The following CDYL2 variants were observed in gnomAD, a reference collection of about 807,000 sequenced individuals.
The protein encoded by CDYL2 is chromodomain Y like 2, also known as chromodomain Y-like protein 2.
A neutral mutation model predicts 49.4 loss-of-function variants in CDYL2; 23 were observed. That is an observed-to-expected ratio of 0.47 (90% CI 0.34 to 0.66). The LOEUF is 0.66. Ranked by LOEUF, CDYL2 falls within the 30% of genes least tolerant of loss-of-function variation. The pLI, the probability that CDYL2 is intolerant of heterozygous loss-of-function variation, is 0.01. For missense variants in CDYL2, 678 were observed against 656.4 expected (o/e 1.03, Z -0.36); for synonymous variants, 360 against 268.8 (o/e 1.34, Z -3.32).
chr16:80,734,359 G>C (rs75496795), intron 1 of CDYL2, among the ~76,000 whole-genome samples: 1 of 152,192 alleles, frequency 6.6e-6, no homozygotes, highest in Non-Finnish European at 1.5e-5. Flanking sequence ...AAGTTTTTGA[G>C]GAACACTTTC....
At chr16:80,673,013 C>A (rs1186236729) in intron 2 of CDYL2, among the ~76,000 whole-genome samples, 1 of 152,114 alleles carries the variant, frequency 6.6e-6, no homozygotes. Flanking sequence ...CTGCTTGCTC[C>A]CATCTCTAAA....
At chr16:80,736,673 G>A (rs1041162471) in intron 1 of CDYL2, among the ~76,000 whole-genome samples, 1 of 152,192 alleles carries the variant, frequency 6.6e-6, no homozygotes, top group African/African-American at 2.4e-5. Context: ...CACTTTAGGA[G>A]GCCAAAGTGG....
chr16:80,688,557 A>C (rs1181075556), intron 1 of CDYL2, among the ~76,000 whole-genome samples: 2 of 152,202 alleles, frequency 1.3e-5, no homozygotes, highest in Non-Finnish European at 2.9e-5. Context: ...AAAGCAAACA[A>C]ACACAAGGTT....
At chr16:80,643,869 C>T (rs1175732953) in intron 2 of CDYL2, among the ~76,000 whole-genome samples, 1 of 152,230 alleles carries the variant, frequency 6.6e-6, no homozygotes, top group Non-Finnish European at 1.5e-5. Context: ...GCTGTGAAGA[C>T]CTCTGGCAAA....
At chr16:80,706,221 G>C (rs991691620) in intron 1 of CDYL2, among the ~76,000 whole-genome samples, 2 of 152,224 alleles carry the variant, frequency 1.3e-5, no homozygotes, top group African/African-American at 2.4e-5. Flanking sequence ...ACATCCATTA[G>C]TTGTCCCTTG....
At chr16:80,639,858 T>C (rs961724574) in intron 2 of CDYL2, 10 of 378,240 alleles carry the variant, frequency 2.6e-5, no homozygotes, top group Admixed American at 1.3e-4. Context: ...TGTCCTGTTA[T>C]AGCAGAAAGC....
intron 2 of CDYL2, among the ~76,000 whole-genome samples, chr16:80,656,719 G>C (rs553442543): frequency 6.6e-6 from 1 of 152,290 alleles, no homozygotes; most frequent in African/African-American, 2.4e-5. Context: ...TACAAAAGGA[G>C]AGAGTCAATA....
At chr16:80,634,259 G>C (rs1048543589) in intron 2 of CDYL2, among the ~76,000 whole-genome samples, 3 of 152,184 alleles carry the variant, frequency 2.0e-5, no homozygotes, top group African/African-American at 7.2e-5. Flanking sequence ...ATGTCCATCA[G>C]TGATAGACTG....
chr16:80,651,019 A>G (rs1597149186), intron 2 of CDYL2, among the ~76,000 whole-genome samples: 1 of 152,218 alleles, frequency 6.6e-6, no homozygotes, highest in Admixed American at 6.5e-5. Context: ...AAAAAAATAG[A>G]AACAATGAAT....
chr16:80,779,058 G>C (rs1265189073), intron 1 of CDYL2, among the ~76,000 whole-genome samples: 3 of 151,904 alleles, frequency 2.0e-5, no homozygotes, highest in African/African-American at 4.8e-5. Flanking sequence ...TTTGTCATGA[G>C]GATAGCCTTC....
intron 1 of CDYL2, among the ~76,000 whole-genome samples, chr16:80,725,778 G>A (rs1280150577): frequency 6.6e-6 from 1 of 152,232 alleles, no homozygotes; most frequent in Non-Finnish European, 1.5e-5. Flanking sequence ...TTAGCAACAA[G>A]CACGCTGCCC....
At chr16:80,774,279 A>T (rs1011181989) in intron 1 of CDYL2, among the ~76,000 whole-genome samples, 2 of 152,162 alleles carry the variant, frequency 1.3e-5, no homozygotes, top group Non-Finnish European at 2.9e-5. Context: ...GGAGAACATT[A>T]TGCTAATAAG....
intron 1 of CDYL2, among the ~76,000 whole-genome samples, chr16:80,696,867 T>C (rs553375659): frequency 3.3e-5 from 5 of 152,252 alleles, no homozygotes; most frequent in African/African-American, 9.6e-5. Context: ...CATGGTGTCA[T>C]GCACTTAGAG....
At chr16:80,724,634 G>T (rs911799697) in intron 1 of CDYL2, among the ~76,000 whole-genome samples, 1 of 152,148 alleles carries the variant, frequency 6.6e-6, no homozygotes, top group Non-Finnish European at 1.5e-5. Flanking sequence ...TTTTATGAAG[G>T]CTTTGTTTCA....
chr16:80,723,753 A>G (rs1470460049), intron 1 of CDYL2, among the ~76,000 whole-genome samples: 1 of 152,214 alleles, frequency 6.6e-6, no homozygotes, highest in Admixed American at 6.5e-5. Flanking sequence ...AGTAGTGGTG[A>G]CAGAGACCAA....
intron 1 of CDYL2, among the ~76,000 whole-genome samples, chr16:80,795,222 C>T (rs186070268): frequency 1.9e-3 from 295 of 152,240 alleles, no homozygotes; most frequent in African/African-American, 6.7e-3. Flanking sequence ...CAATGTGTAG[C>T]CCAGGGTCCC....
At chr16:80,728,211 C>T (rs34782993) in intron 1 of CDYL2, among the ~76,000 whole-genome samples, 4 of 151,106 alleles carry the variant, frequency 2.6e-5, no homozygotes, top group Admixed American at 6.6e-5. Flanking sequence ...AAAATTTAGA[C>T]GAATGTATAA....
chr16:80,642,349 G>A (rs1441601923), intron 2 of CDYL2, among the ~76,000 whole-genome samples: 1 of 152,132 alleles, frequency 6.6e-6, no homozygotes, highest in African/African-American at 2.4e-5. Context: ...AGGCTGAGTT[G>A]AGAGAATGGC....
chr16:80,667,874 C>T (rs1597159519), intron 2 of CDYL2, among the ~76,000 whole-genome samples: 2 of 152,180 alleles, frequency 1.3e-5, no homozygotes, highest in East Asian at 3.9e-4. Flanking sequence ...AAGAATCTGG[C>T]CCACAGAGGC....
Sources: gnomAD v4.1 joint callset for allele counts (sites outside exome capture counted in the v4.1 genomes callset) on GRCh38, gnomAD v4.1.1 for gene constraint, MANE v1.5 for transcripts, NCBI Gene and HGNC (gene_info 2026-07-23, HGNC 2026-07-21) for gene names.